The following DMD variants were observed in gnomAD, a reference collection of about 807,000 sequenced individuals.
The protein encoded by DMD is mutant dystrophin.
In DMD, 63 loss-of-function variants were observed where a neutral mutation model predicts 330.1. The observed-to-expected ratio is 0.19, with a 90% CI of 0.16 to 0.24. DMD has a LOEUF of 0.24. DMD is among the 10% of genes least tolerant of loss of function. The probability of loss-of-function intolerance (pLI) is 1.00; values close to 1 mark genes in which losing one functional copy is unlikely to be tolerated. For synonymous variants in DMD, 1,223 were observed against 959.8 expected (o/e 1.27, Z -5.07); for missense variants, 3,344 against 2,684.1 (o/e 1.25, Z -5.43).
In DMD at chrX:32,004,858, G is replaced by T. The variant is rs150070031; in HGVS notation, c.6439-36344C>A. 9.3e-3 allele frequency among the ~76,000 whole-genome samples: 1,034 copies of T among 111,134 alleles called. 5 individuals carry two copies. Among genetic ancestry groups the T allele is most frequent in the Non-Finnish European group, 0.014 (762 of 52,820 alleles). On this transcript the variant is annotated intron_variant, in intron 44 of 78. Transcript: ENST00000357033. The stretch of plus-strand genomic sequence containing the variant: ...GGAGTGGCATTATAAAAATTAAATT[G>T]GTTCTTGCTCATTTCCATAATATCC...
intron 11 of DMD, among the ~76,000 whole-genome samples, chrX:32,623,020 G>T (rs1411546593): frequency 8.9e-6 from 1 of 112,033 alleles, no homozygotes; most frequent in African/African-American, 3.2e-5. Flanking sequence ...AAACTCAGAA[G>T]ATATAGATTT....
chrX:31,529,897 TA>T (rs369803858), intron 55 of DMD, among the ~76,000 whole-genome samples: 255 of 98,379 alleles, frequency 2.6e-3, no homozygotes, highest in Non-Finnish European at 2.8e-3. Context: ...AAGATTTCTT[TA>T]AAAAAAAAAA....
intron 43 of DMD, among the ~76,000 whole-genome samples, chrX:32,233,539 C>G (rs1195711496): frequency 9.0e-6 from 1 of 110,785 alleles, no homozygotes; most frequent in Non-Finnish European, 1.9e-5. Flanking sequence ...AAAAAAACTT[C>G]TTGGAGGGGG....
intron 60 of DMD, among the ~76,000 whole-genome samples, chrX:31,391,988 C>T (rs769637138): frequency 9.5e-6 from 1 of 105,555 alleles, no homozygotes; most frequent in Admixed American, 1.0e-4. Context: ...ACAACCATTC[C>T]ACTCTCCCTT....
chrX:33,100,494 C>G (rs1267067981), intron 1 of DMD, among the ~76,000 whole-genome samples: 1 of 110,922 alleles, frequency 9.0e-6, no homozygotes, highest in Non-Finnish European at 1.9e-5. Context: ...GAGTTCGAGA[C>G]CAGCCTGACC....
At chrX:31,181,499 C>T (rs1183360126) in intron 68 of DMD, among the ~76,000 whole-genome samples, 1 of 111,484 alleles carries the variant, frequency 9.0e-6, no homozygotes, top group East Asian at 2.8e-4. Flanking sequence ...GAAAAGGTAG[C>T]TTAGAAATCT....
intron 61 of DMD, among the ~76,000 whole-genome samples, chrX:31,331,933 G>A (rs1192869624): frequency 1.8e-5 from 2 of 112,175 alleles, no homozygotes; most frequent in African/African-American, 6.5e-5. Flanking sequence ...CCATTAGAAA[G>A]CGAGAAGAGT....
intron 7 of DMD, among the ~76,000 whole-genome samples, chrX:32,757,136 C>G (rs890522146): frequency 9.0e-6 from 1 of 111,442 alleles, no homozygotes; most frequent in East Asian, 2.8e-4. Flanking sequence ...ATGGCTCAAT[C>G]AAGCCAATTG....
chrX:33,276,679 T>A (rs1311915133), intron 1 of DMD, among the ~76,000 whole-genome samples: 1 of 112,187 alleles, frequency 8.9e-6, no homozygotes, highest in Non-Finnish European at 1.9e-5. Context: ...AAATATGTAA[T>A]CTACGAATCA....
Position 31,902,727 on chromosome X carries a change from C to G in DMD, c.6912+26869G>C, listed in dbSNP as rs190252920. 5.9e-4 allele frequency among the ~76,000 whole-genome samples: 66 copies of G among 111,506 alleles called. 1 individual carries two copies. The highest frequency in any genetic ancestry group is 2.0e-3 in the African/African-American group (63 of 30,810). On this transcript the variant is annotated intron_variant, in intron 47 of 78. Transcript: ENST00000357033. ...CTCCTAGGTATAAAGCATTATAAGA[C>G]CAAAAGAAATCCAAGAATTACATCC...
intron 2 of DMD, among the ~76,000 whole-genome samples, chrX:32,978,576 TC>T (rs34392177): frequency 0.029 from 3,271 of 111,617 alleles, 86 homozygotes; most frequent in East Asian, 0.17. Flanking sequence ...CTCAAGTGAT[TC>T]CCCCACCTCA....
At chrX:31,227,843 A>G (rs967263777) in intron 63 of DMD, among the ~76,000 whole-genome samples, 2 of 110,751 alleles carry the variant, frequency 1.8e-5, no homozygotes, top group African/African-American at 6.6e-5. Flanking sequence ...AATAGCAAAG[A>G]CTTGGAACCA....
chrX:32,508,616 T>G (rs1478792882), intron 18 of DMD, among the ~76,000 whole-genome samples: 1 of 110,904 alleles, frequency 9.0e-6, no homozygotes, highest in African/African-American at 3.3e-5. Flanking sequence ...CATGTGGGAC[T>G]TCTGAGGGGA....
At chrX:31,862,473 AC>A (rs1206607010) in intron 48 of DMD, among the ~76,000 whole-genome samples, 3 of 111,310 alleles carry the variant, frequency 2.7e-5, no homozygotes, top group African/African-American at 9.8e-5. Flanking sequence ...GGATAAATTT[AC>A]CCCCAACTTT....
chrX:33,133,096 A>G (rs1316588736), intron 1 of DMD, among the ~76,000 whole-genome samples: 4 of 110,555 alleles, frequency 3.6e-5, no homozygotes, highest in African/African-American at 1.3e-4. Context: ...TGTTTGCCAT[A>G]TCTTTGATTT....
intron 26 of DMD, among the ~76,000 whole-genome samples, chrX:32,452,073 T>C (rs985804856): frequency 2.8e-5 from 3 of 108,682 alleles, no homozygotes; most frequent in East Asian, 2.9e-4. Flanking sequence ...GGGTTGTTGG[T>C]GACATAGGCA....
At chrX:32,681,337 T>C (rs1187289469) in intron 9 of DMD, among the ~76,000 whole-genome samples, 1 of 111,564 alleles carries the variant, frequency 9.0e-6, no homozygotes, top group African/African-American at 3.3e-5. Context: ...GCCTTATATA[T>C]CCATATTTGT....
rs2097847804 is a variant in DMD at position 32,364,571 on chromosome X, T to C, written c.5154+11A>G. On this transcript the variant is annotated intron_variant, in intron 36 of 78. Coordinates refer to ENST00000357033, the MANE Select transcript of DMD (RefSeq NM_004006.3). Reference sequence around the variant, plus strand: ...CAATTTGGACATTACTTTTCATATTTTATTTGCTACCTTAAGCACGTCTTC... The same window carrying C: ...CAATTTGGACATTACTTTTCATATTCTATTTGCTACCTTAAGCACGTCTTC... 13 of 1,210,407 alleles carry C rather than the reference T, an allele frequency of 1.1e-5. No individual in the cohort carries two copies. The highest frequency in any genetic ancestry group is 2.3e-4 in the Middle Eastern group (1 of 4,340).
At chrX:33,237,572 T>G (rs2052511433) in intron 1 of DMD, among the ~76,000 whole-genome samples, 1 of 111,665 alleles carries the variant, frequency 9.0e-6, no homozygotes, top group Non-Finnish European at 1.9e-5. Flanking sequence ...TACACCTTTT[T>G]GAGGTAGGAC....
Sources: allele counts gnomAD v4.1 joint callset (sites outside exome capture counted in the v4.1 genomes callset), GRCh38; gene constraint gnomAD v4.1.1; transcripts MANE v1.5; gene names NCBI Gene and HGNC (gene_info 2026-07-23, HGNC 2026-07-21).